Variants in ATP8A2 observed in about 807,000 individuals in gnomAD.
ATP8A2 encodes the protein ATPase phospholipid transporting 8A2, also known as phospholipid-transporting ATPase IB.
In ATP8A2, 100 loss-of-function variants were observed where a neutral mutation model predicts 165.6. The observed-to-expected ratio is 0.60, with a 90% CI of 0.51 to 0.71. ATP8A2 has a LOEUF of 0.71. ATP8A2 is among the 30% of genes least tolerant of loss of function. The pLI is 0.00. For missense variants in ATP8A2, 1,227 were observed against 1,479.5 expected (o/e 0.83, Z 2.80); for synonymous variants, 543 against 548.8 (o/e 0.99, Z 0.15).
chr13:25,799,975 A>G (rs186359078), intron 27 of ATP8A2, among the ~76,000 whole-genome samples: 19 of 152,372 alleles, frequency 1.2e-4, no homozygotes, highest in Middle Eastern at 3.4e-3. Context: ...GTGGTTCCAT[A>G]TATTCTACCA....
At chr13:25,646,295 C>G (rs2041668727) in intron 24 of ATP8A2, among the ~76,000 whole-genome samples, 1 of 152,038 alleles carries the variant, frequency 6.6e-6, no homozygotes, top group Non-Finnish European at 1.5e-5. Flanking sequence ...CACTTTCAGT[C>G]TATATGCACC....
chr13:25,451,844 C>A (rs2035231749), intron 1 of ATP8A2, among the ~76,000 whole-genome samples: 1 of 129,690 alleles, frequency 7.7e-6, no homozygotes, highest in South Asian at 2.6e-4. Context: ...AGCAAATATA[C>A]CTTCATGGTT....
At chr13:25,487,734 A>C (rs1422758593) in intron 2 of ATP8A2, among the ~76,000 whole-genome samples, 1 of 152,204 alleles carries the variant, frequency 6.6e-6, no homozygotes, top group Admixed American at 6.5e-5. Context: ...TTCTTTTTGC[A>C]CTAACCTGAT....
intron 33 of ATP8A2, among the ~76,000 whole-genome samples, chr13:25,941,318 C>T (rs1955066054): frequency 6.6e-6 from 1 of 152,160 alleles, no homozygotes; most frequent in African/African-American, 2.4e-5. Context: ...TTGAAACGAT[C>T]CCATGGCTTT....
intron 33 of ATP8A2, among the ~76,000 whole-genome samples, chr13:25,876,763 T>G (rs944774281): frequency 1.3e-4 from 20 of 152,224 alleles, no homozygotes; most frequent in African/African-American, 4.8e-4. Flanking sequence ...GAATCCTTAA[T>G]AAGAAAAAGG....
intron 25 of ATP8A2, among the ~76,000 whole-genome samples, chr13:25,739,039 G>T (rs918344407): frequency 1.7e-4 from 26 of 152,246 alleles, no homozygotes; most frequent in African/African-American, 6.3e-4. Flanking sequence ...TATATTGACA[G>T]TGAAGTTGAG....
Position 25,846,755 on chromosome 13 carries a change from G to C in ATP8A2, c.2956+7131G>C, listed in dbSNP as rs78882098. On this transcript the variant is annotated intron_variant, in intron 30 of 36. Transcript: ENST00000381655. ...GGAGTCCTGTTCCTGGGCTGTTGCTGATCTAATGTAGCAATCATGGCACTT... is the reference window on the plus strand; with the variant it reads ...GGAGTCCTGTTCCTGGGCTGTTGCTCATCTAATGTAGCAATCATGGCACTT... 9.6e-3 allele frequency among the ~76,000 whole-genome samples: 1,459 copies of C among 152,290 alleles called. 24 individuals carry two copies. Among genetic ancestry groups the C allele is most frequent in the African/African-American group, 0.031 (1,285 of 41,568 alleles).
intron 16 of ATP8A2, among the ~76,000 whole-genome samples, chr13:25,570,421 G>A (rs2039432201): frequency 6.6e-6 from 1 of 152,204 alleles, no homozygotes; most frequent in African/African-American, 2.4e-5. Context: ...GGAGGCGGAA[G>A]CACGTGGGCA....
At chr13:25,406,216 C>A (rs2033797864) in intron 1 of ATP8A2, among the ~76,000 whole-genome samples, 1 of 152,182 alleles carries the variant, frequency 6.6e-6, no homozygotes, top group African/African-American at 2.4e-5. Context: ...AGGAGCCATG[C>A]CTCTGTTTCA....
intron 30 of ATP8A2, among the ~76,000 whole-genome samples, chr13:25,841,602 GA>G (rs1000510863): frequency 6.6e-6 from 1 of 152,042 alleles, no homozygotes; most frequent in African/African-American, 2.4e-5. Context: ...TTAGTACAGA[GA>G]AAAAAATCAT....
intron 24 of ATP8A2, among the ~76,000 whole-genome samples, chr13:25,659,614 C>G (rs575950771): frequency 9.4e-4 from 143 of 152,276 alleles, no homozygotes; most frequent in African/African-American, 3.1e-3. Flanking sequence ...GTAGGCTTTT[C>G]CCAAAAGCGA....
chr13:25,780,446 G>A (rs1285924672), intron 27 of ATP8A2, among the ~76,000 whole-genome samples: 1 of 152,128 alleles, frequency 6.6e-6, no homozygotes, highest in African/African-American at 2.4e-5. Context: ...TATTTAGCAG[G>A]AAGGTCTGGA....
chr13:25,543,866 G>A (rs2038560673), intron 10 of ATP8A2, among the ~76,000 whole-genome samples: 1 of 152,154 alleles, frequency 6.6e-6, no homozygotes, highest in African/African-American at 2.4e-5. Context: ...CTTTTTCCCT[G>A]TTAATGTTTT....
At chr13:25,668,832 T>G (rs983630448) in intron 24 of ATP8A2, among the ~76,000 whole-genome samples, 1 of 152,194 alleles carries the variant, frequency 6.6e-6, no homozygotes, top group Non-Finnish European at 1.5e-5. Context: ...TGAACCCCTT[T>G]AGTGAATTTT....
At chr13:25,859,909 A>G (rs1404226904) in intron 30 of ATP8A2, among the ~76,000 whole-genome samples, 1 of 152,214 alleles carries the variant, frequency 6.6e-6, no homozygotes, top group East Asian at 1.9e-4. Context: ...AACAAACTGG[A>G]CAAAGATAAA....
At position 25,752,555 on chromosome 13, in the gene ATP8A2, G is replaced by C. The variant is rs2044175060; in HGVS notation, c.2385-16491G>C. Among the ~76,000 whole-genome samples, 3 of 152,192 alleles carry C rather than the reference G, an allele frequency of 2.0e-5. No individual in the cohort carries two copies. The South Asian group carries it at 6.2e-4, about 32-fold the overall frequency. The stretch of plus-strand genomic sequence containing the variant: ...TGTTCATCAGCAGGTCCTTGAGAGT[G>C]CAGTAGATGTAAAATGTATTGTTCT... On this transcript the variant is annotated intron_variant, in intron 25 of 36. Transcript: ENST00000381655.
intron 25 of ATP8A2, among the ~76,000 whole-genome samples, chr13:25,760,222 C>T (rs2044352943): frequency 6.6e-6 from 1 of 152,134 alleles, no homozygotes; most frequent in South Asian, 2.1e-4. Context: ...GGATAGCTGA[C>T]CTGTAACTCC....
intron 2 of ATP8A2, among the ~76,000 whole-genome samples, chr13:25,510,092 A>T (rs1216577564): frequency 6.6e-6 from 1 of 151,852 alleles, no homozygotes; most frequent in African/African-American, 2.4e-5. Flanking sequence ...ATTTTATGTG[A>T]CCAGCCTAGA....
intron 30 of ATP8A2, among the ~76,000 whole-genome samples, chr13:25,849,901 A>G (rs1296945336): frequency 6.6e-6 from 1 of 152,206 alleles, no homozygotes; most frequent in Non-Finnish European, 1.5e-5. Flanking sequence ...TGCCATAAGC[A>G]TCATCATTAT....
Sources: gnomAD v4.1 joint callset for allele counts (sites outside exome capture counted in the v4.1 genomes callset) on GRCh38, gnomAD v4.1.1 for gene constraint, MANE v1.5 for transcripts, NCBI Gene and HGNC (gene_info 2026-07-23, HGNC 2026-07-21) for gene names.